The following RGS3 variants were observed in gnomAD, a reference collection of about 807,000 sequenced individuals.
RGS3 encodes regulator of G-protein signalling 3.
RGS3 carries 80 observed loss-of-function variants against 132.6 expected under a neutral mutation model. That is an observed-to-expected ratio of 0.60 (90% confidence interval 0.50 to 0.73). The LOEUF (loss-of-function observed/expected upper bound fraction) is 0.73. Among genes scored for constraint, RGS3 ranks in the 30% least tolerant of loss-of-function variants. The probability of loss-of-function intolerance (pLI) is 0.00; values close to 1 mark genes in which losing one functional copy is unlikely to be tolerated. For missense variants in RGS3, 1,382 were observed against 1,530.8 expected (o/e 0.90, Z 1.62); for synonymous variants, 598 against 620.6 (o/e 0.96, Z 0.54).
chr9:113,489,635 A>G (rs1830443524), intron 7 of RGS3, among the ~76,000 whole-genome samples: 1 of 152,026 alleles, frequency 6.6e-6, no homozygotes, highest in Admixed American at 6.6e-5. Flanking sequence ...ATGACCCTCC[A>G]GCCTCAGCCT....
At position 113,507,272 on chromosome 9, in the gene RGS3, TC is replaced by T. The variant is rs771105707; in HGVS notation, c.1086-10del. 149 of 1,588,724 alleles carry T rather than the reference TC, an allele frequency of 9.4e-5. 1 individual carries two copies. In the South Asian group the frequency reaches 1.5e-3, roughly 16 times the overall value. ...CCCCAGGCTCAACCTGTCTGTGTGA[TC>T]CCCCACCTTCCAGGAGCTGCCCCAG... On this transcript the variant is annotated splice_polypyrimidine_tract_variant and intron_variant, in intron 12 of 24. Transcript: ENST00000350696. The surrounding 1 kb of genome is among the most constrained non-coding windows in gnomAD (Gnocchi z 5.0).
intron 22 of RGS3, 27 bp downstream of exon 20, chr9:113,594,558 C>T (rs1835652397): frequency 6.3e-7 from 1 of 1,580,754 alleles, no homozygotes; most frequent in African/African-American, 1.3e-5. Context: ...ACCCTGGGAC[C>T]CTTTGGGGAA....
chr9:113,462,561 T>C (rs1829501412), intron 3 of RGS3, among the ~76,000 whole-genome samples: 1 of 152,204 alleles, frequency 6.6e-6, no homozygotes, highest in Admixed American at 6.5e-5. Context: ...TGGGTTCAAA[T>C]TTCAGCTCTG....
At chr9:113,467,880 A>C (rs767750611) in intron 3 of RGS3, among the ~76,000 whole-genome samples, 6 of 152,064 alleles carry the variant, frequency 3.9e-5, no homozygotes, top group African/African-American at 1.4e-4. Flanking sequence ...ATGCCTGGCT[A>C]ATTTTTCTTA....
intron 7 of RGS3, among the ~76,000 whole-genome samples, chr9:113,493,903 G>A (rs1336837449): frequency 1.3e-5 from 2 of 152,042 alleles, no homozygotes; most frequent in Non-Finnish European, 2.9e-5. Context: ...ACATCTCTAG[G>A]GAGTTTACTA....
At chr9:113,502,462 C>T (rs1224720362) in intron 10 of RGS3, among the ~76,000 whole-genome samples, 10 of 152,158 alleles carry the variant, frequency 6.6e-5, no homozygotes, top group Non-Finnish European at 1.5e-5. Context: ...GGGTCCCTGC[C>T]CCCCCACCTG....
intron 3 of RGS3, among the ~76,000 whole-genome samples, chr9:113,466,806 G>T (rs750691822): frequency 1.5e-4 from 23 of 152,182 alleles, no homozygotes; most frequent in Non-Finnish European, 2.6e-4. Context: ...TCACAGAGAT[G>T]TGTAACTATT....
chr9:113,541,379 C>T (rs1832896747), intron 19 of RGS3: 3 of 1,613,790 alleles, frequency 1.9e-6, no homozygotes, highest in Non-Finnish European at 2.5e-6. Context: ...CAACCAATGC[C>T]ACCCAGGATA....
At chr9:113,512,937 CTGTAA>C (rs1195089109) in intron 14 of RGS3, among the ~76,000 whole-genome samples, 12 of 152,232 alleles carry the variant, frequency 7.9e-5, no homozygotes, top group Non-Finnish European at 1.6e-4. Context: ...TGGCTCATGC[CTGTAA>C]TCCCAGCACT....
intron 1 of RGS3, among the ~76,000 whole-genome samples, chr9:113,447,848 C>CTTT (rs1350413411): frequency 3.1e-5 from 4 of 129,486 alleles, no homozygotes; most frequent in East Asian, 2.1e-4. Context: ...TACCCCTAGT[C>CTTT]TTTTTTTTTT....
intron 19 of RGS3, among the ~76,000 whole-genome samples, chr9:113,573,099 A>G (rs1432542336): frequency 6.6e-6 from 1 of 152,218 alleles, no homozygotes; most frequent in Non-Finnish European, 1.5e-5. Flanking sequence ...GTGGGTACTC[A>G]GTATTCACAT....
intron 23 of RGS3, 47 bp from the exon 22 acceptor site, chr9:113,595,552 G>C (rs1835723815): frequency 1.9e-6 from 3 of 1,598,722 alleles, no homozygotes; most frequent in Non-Finnish European, 1.7e-6. Flanking sequence ...CTTAAGGGCA[G>C]GAGAGGCTGA....
intron 7 of RGS3, among the ~76,000 whole-genome samples, chr9:113,494,469 C>T (rs1389211021): frequency 6.6e-6 from 1 of 152,064 alleles, no homozygotes; most frequent in Non-Finnish European, 1.5e-5. Flanking sequence ...TTTTTTGAGA[C>T]AGTGTCTTGC....
chr9:113,455,608 AT>A (rs1292151943), upstream of RGS3, among the ~76,000 whole-genome samples: 1 of 152,152 alleles, frequency 6.6e-6, no homozygotes, highest in African/African-American at 2.4e-5. Flanking sequence ...GAAATCTTGA[AT>A]CTTTTACTTG....
At chr9:113,550,628 C>T (rs371282912) in intron 19 of RGS3, among the ~76,000 whole-genome samples, 50 of 152,190 alleles carry the variant, frequency 3.3e-4, no homozygotes, top group African/African-American at 1.2e-3. Flanking sequence ...TCAAGTAAAC[C>T]GAGATAGTCT....
chr9:113,484,413 T>G (rs565710643), intron 6 of RGS3, among the ~76,000 whole-genome samples, 181 bp downstream of exon 4: 1 of 151,628 alleles, frequency 6.6e-6, no homozygotes, highest in South Asian at 2.1e-4. Flanking sequence ...CTTGTGTCCT[T>G]GCATCCCTGG....
At position 113,551,686 on chromosome 9, in the gene RGS3, T is replaced by TAAC. The variant is rs141307420; in HGVS notation, c.2037+14786_2037+14788dup. On this transcript the variant is annotated intron_variant, in intron 19 of 24. Transcript: ENST00000350696. ...CAACATGGTGAAAACCTGTCTCTAC[T>TAAC]AACAACAACAACAACAACAAAAATT... Among the ~76,000 whole-genome samples, 418 of 151,700 alleles carry TAAC rather than the reference T, an allele frequency of 2.8e-3. 1 individual carries two copies. The highest frequency in any genetic ancestry group is 6.8e-3 in the Middle Eastern group (2 of 292).
At position 113,495,733 on chromosome 9, in the gene RGS3, C is replaced by A; in HGVS notation, c.690-53C>A. ...CCATGCTATACTTGATAATGGACCT[C>A]CCGATAGAGCCCAGAAAAAAAATGC... On this transcript the variant is annotated intron_variant, in intron 7 of 24. Coordinates refer to ENST00000350696, the Ensembl canonical transcript of RGS3. The A allele has an allele frequency of 6.1e-6, 9 of 1,485,096 alleles. No homozygotes were observed. In the South Asian group the frequency reaches 7.9e-5, roughly 13 times the overall value. 92.0% of individuals were successfully genotyped at this position (1,485,096 alleles called of 1,614,324 possible). A position where few individuals can be genotyped will look rare whatever the true frequency, so the allele number is the denominator to read the frequency against.
At position 113,463,888 on chromosome 9, in the gene RGS3, G is replaced by A. The variant is rs1274230802; in HGVS notation, c.415+1687G>A. 2 of 1,612,760 alleles carry A rather than the reference G, an allele frequency of 1.2e-6. No homozygotes were observed. Among genetic ancestry groups the A allele is most frequent in the Non-Finnish European group, 1.7e-6 (2 of 1,179,634 alleles). On this transcript the variant is annotated intron_variant, in intron 3 of 24. Coordinates refer to ENST00000350696, the Ensembl canonical transcript of RGS3. This position sits in a 1 kb window ranked among gnomAD's most constrained non-coding sequence, Gnocchi z 4.6. ...TTCTACCTCACCACCTTTGGTAAGTGCCCGCTGGGGCTGGCGGCAGGGGCT... is the reference window on the plus strand; with the variant it reads ...TTCTACCTCACCACCTTTGGTAAGTACCCGCTGGGGCTGGCGGCAGGGGCT...
Sources: allele counts gnomAD v4.1 joint callset (sites outside exome capture counted in the v4.1 genomes callset), GRCh38; gene constraint gnomAD v4.1.1; non-coding constraint Gnocchi (gnomAD v3.1); transcripts MANE v1.5; gene names NCBI Gene and HGNC (gene_info 2026-07-23, HGNC 2026-07-21).